The following XPNPEP1 variants were observed in gnomAD, a reference collection of about 807,000 sequenced individuals.
XPNPEP1 encodes the protein X-prolyl aminopeptidase 1.
Under a neutral mutation model 92.4 loss-of-function variants are expected in XPNPEP1, and 39 were observed. The observed-to-expected ratio is 0.42, with a 90% CI of 0.33 to 0.55. The LOEUF (loss-of-function observed/expected upper bound fraction) is 0.55. Ranked by LOEUF, XPNPEP1 falls within the 20% of genes least tolerant of loss-of-function variation. The pLI is 0.08. For missense variants in XPNPEP1, 654 were observed against 856.1 expected, an observed-to-expected ratio of 0.76 and a Z score of 2.95; for synonymous variants, 307 against 299.4, an observed-to-expected ratio of 1.03 and a Z score of -0.26.
chr10:109,918,537 A>G (rs747626407), intron 1 of XPNPEP1, among the ~76,000 whole-genome samples: 5 of 152,152 alleles, frequency 3.3e-5, no homozygotes, highest in Admixed American at 6.5e-5. Flanking sequence ...CGAGGTGGGC[A>G]GATCACGAGG....
chr10:109,890,342 C>T (rs1232136813), intron 5 of XPNPEP1, among the ~76,000 whole-genome samples: 1 of 152,124 alleles, frequency 6.6e-6, no homozygotes, highest in African/African-American at 2.4e-5. Flanking sequence ...AACAGAGCTT[C>T]TATTTGTATT....
intron 17 of XPNPEP1, 112 bp downstream of exon 17, chr10:109,871,680 T>G: frequency 8.1e-7 from 1 of 1,234,790 alleles, no homozygotes; most frequent in Non-Finnish European, 1.1e-6. Flanking sequence ...GGGCCTGAAG[T>G]GGGATGGGGA....
At chr10:109,891,272 GCTT>G (rs1163498019) in intron 5 of XPNPEP1, 1 of 153,358 alleles carries the variant, frequency 6.5e-6, no homozygotes, top group Non-Finnish European at 1.5e-5. Flanking sequence ...AGACCTGTTC[GCTT>G]GTCCTGAATG....
chr10:109,872,222 C>T (rs1327286975), intron 16 of XPNPEP1, among the ~76,000 whole-genome samples: 1 of 152,252 alleles, frequency 6.6e-6, no homozygotes, highest in Non-Finnish European at 1.5e-5. Context: ...CTATTCTAAG[C>T]ACTGTATGTT....
chr10:109,897,748 G>A (rs1227304440), intron 3 of XPNPEP1, among the ~76,000 whole-genome samples: 1 of 151,748 alleles, frequency 6.6e-6, no homozygotes, highest in African/African-American at 2.4e-5. Flanking sequence ...CCACCTCCCA[G>A]GTTCACGCGA....
chr10:109,909,871 C>T (rs1849766677), intron 2 of XPNPEP1, among the ~76,000 whole-genome samples: 1 of 152,252 alleles, frequency 6.6e-6, no homozygotes, highest in South Asian at 2.1e-4. Flanking sequence ...CCAGCCCCAA[C>T]ACACACACAG....
At chr10:109,879,828 G>C (rs17812277) in intron 12 of XPNPEP1, among the ~76,000 whole-genome samples, 2,367 of 152,142 alleles carry the variant, frequency 0.016, 42 homozygotes, top group Admixed American at 0.029. Flanking sequence ...GGCTTAAACT[G>C]AAGTTCAAAA....
chr10:109,891,559 A>C, intron 5 of XPNPEP1, 163 bp downstream of exon 5: 1 of 506,236 alleles, frequency 2.0e-6, no homozygotes. Flanking sequence ...GCACATTGGT[A>C]CGTATGTATA....
rs749797472 is a variant in XPNPEP1, at chr10:109,870,911, G to A, written c.1523-7C>T. 5.0e-6 allele frequency: 8 copies of A among 1,612,082 alleles called. No individual in the cohort carries two copies. The highest frequency in any genetic ancestry group is 4.4e-5 in the South Asian group (4 of 90,766). On this transcript the variant is annotated splice_polypyrimidine_tract_variant and splice_region_variant and intron_variant, in intron 17 of 20. Transcript: ENST00000502935. ...AAGGAGTCAAGAAGGTGACCTGAAA[G>A]ACATAAAGAGCCACTTAATTGTATT...
chr10:109,917,910 A>G (rs1850278613), intron 1 of XPNPEP1, among the ~76,000 whole-genome samples: 1 of 152,170 alleles, frequency 6.6e-6, no homozygotes, highest in Non-Finnish European at 1.5e-5. Flanking sequence ...TCCACATGCA[A>G]AAGAATAAAG....
intron 3 of XPNPEP1, among the ~76,000 whole-genome samples, chr10:109,896,373 G>A (rs928212685): frequency 6.7e-6 from 1 of 149,952 alleles, no homozygotes. Context: ...TGACCTGTCA[G>A]GTTCAAGCAA....
chr10:109,877,401 A>C (rs1336209542), intron 14 of XPNPEP1: 2 of 182,764 alleles, frequency 1.1e-5, no homozygotes, highest in East Asian at 1.4e-4. Context: ...AGGAGTTCAA[A>C]GTTGCAGTGA....
intron 3 of XPNPEP1, among the ~76,000 whole-genome samples, chr10:109,897,134 CATGT>C (rs1255363452): frequency 1.3e-5 from 2 of 152,164 alleles, no homozygotes; most frequent in Non-Finnish European, 2.9e-5. Context: ...ATGCAGGCCA[CATGT>C]TGCTAACCTT....
rs1477557899 is a variant in XPNPEP1, at chr10:109,882,545, G to A, written c.928C>T (p.Pro310Ser). ...AGCTCGCTCAGGATGGACTTGTAGG[G>A]ATGCACCTGGATCCTGTATTCGGCT... ...LEAEYRIQVH[P>S]YKSILSELKA... Residue 310 changes from proline (P) to serine (S), a missense_variant, in exon 10 of 21, where the codon CCC becomes TCC. By Grantham distance (74) the Pro-to-Ser change is moderately conservative. Transcript: ENST00000502935. 1.2e-6 allele frequency: 2 copies of A among 1,614,118 alleles called. No individual in the cohort carries two copies. The highest frequency in any genetic ancestry group is 1.7e-5 in the Admixed American group (1 of 60,016).
At chr10:109,906,440 C>T (rs75422513) in intron 3 of XPNPEP1, among the ~76,000 whole-genome samples, 1,896 of 152,242 alleles carry the variant, frequency 0.012, 35 homozygotes, top group African/African-American at 0.043. Flanking sequence ...AAAACCCTCC[C>T]GTCCCAGTTC....
intron 9 of XPNPEP1, 110 bp downstream of exon 9, chr10:109,883,957 A>C: frequency 1.1e-6 from 1 of 901,646 alleles, no homozygotes; most frequent in Non-Finnish European, 1.7e-6. Context: ...AGAAAAAAGA[A>C]GCACATCAGT....
At position 109,923,402 on chromosome 10, in the gene XPNPEP1, CT is replaced by C; in HGVS notation, c.31del (p.Arg11GlyfsTer2). On this transcript the variant is annotated frameshift_variant and splice_region_variant, in exon 1 of 21. Coordinates refer to ENST00000502935, the MANE Select transcript of XPNPEP1 (RefSeq NM_020383.4). LOFTEE classifies it high-confidence loss of function. The stretch of plus-strand genomic sequence containing the variant: ...CCGGCTGCCGGCGGAGTGCCCTCAC[CT>C]TACTCGCGGTGGCTTTCTGGAGGCT... Reference protein sequence around the residue: MAASRKPPRVRVNHQDFQLRN... With the variant: MAASRKPPRVXVNHQDFQLRN... The C allele has an allele frequency of 6.9e-7, 1 of 1,440,896 alleles. No homozygotes were observed. The highest frequency in any genetic ancestry group is 9.1e-7 in the Non-Finnish European group (1 of 1,097,038). The allele number at this position is 1,440,896 out of a possible 1,614,324, so 89.3% of individuals were successfully genotyped here.
chr10:109,873,640 G>A (rs1225923502), intron 15 of XPNPEP1: 4 of 551,448 alleles, frequency 7.3e-6, no homozygotes, highest in African/African-American at 1.9e-5. Context: ...ATATATCCAA[G>A]AGAACTGAAA....
At chr10:109,888,319 G>T in intron 6 of XPNPEP1, 127 bp from the exon 7 acceptor site, 1 of 1,370,156 alleles carries the variant, frequency 7.3e-7, no homozygotes, top group Non-Finnish European at 9.8e-7. Flanking sequence ...GGGTGTGCAG[G>T]ATGAGGAACT....
Sources: allele counts gnomAD v4.1 joint callset (sites outside exome capture counted in the v4.1 genomes callset), GRCh38; gene constraint gnomAD v4.1.1; transcripts MANE v1.5; gene names NCBI Gene and HGNC (gene_info 2026-07-23, HGNC 2026-07-21).